Variants in CALY observed in about 807,000 individuals in gnomAD.
CALY encodes calcyon neuron specific vesicular protein, also known as neuron-specific vesicular protein calcyon.
CALY carries 15 observed loss-of-function variants against 20.2 expected under a neutral mutation model. That is an observed-to-expected ratio of 0.74 (90% confidence interval 0.50 to 1.14). The LOEUF is 1.14. CALY is among the 50% of genes most tolerant of loss of function. The pLI, the probability that CALY is intolerant of heterozygous loss-of-function variation, is 0.00. For synonymous variants in CALY, 129 were observed against 131.8 expected, an observed-to-expected ratio of 0.98 and a Z score of 0.15; for missense variants, 270 against 304.4, an observed-to-expected ratio of 0.89 and a Z score of 0.84.
chr10:133,330,657 CAA>C (rs58004815), intron 1 of CALY, among the ~76,000 whole-genome samples: 8 of 44,844 alleles, frequency 1.8e-4, no homozygotes, highest in Admixed American at 1.4e-3. Flanking sequence ...GACTCCGTCT[CAA>C]AAAAAAAAAA....
At chr10:133,328,093 G>T in intron 2 of CALY, 78 bp from the exon 3 acceptor site, 1 of 846,782 alleles carries the variant, frequency 1.2e-6, no homozygotes. Flanking sequence ...AGGGGAGGGA[G>T]CCAGCGTCAG....
At chr10:133,326,146 G>A (rs1469141670) in intron 4 of CALY, 26 bp from the exon 5 acceptor site, 3 of 1,591,000 alleles carry the variant, frequency 1.9e-6, no homozygotes, top group Admixed American at 3.4e-5. Flanking sequence ...GGTCAGGGTC[G>A]GTGGGGCTGA....
Position 133,325,872 on chromosome 10 carries a change from C to T in CALY, c.609G>A (p.Ala203=). ...CCGCGCTCCCGGCCGCCTTCCGCGC[C>T]GCCTCCTTCTCCGCCTTGGCCGACG... ...GKPSAKAEKE[A]ARKAAGSAAP... The change falls in exon 5 of 6, where the codon GCG becomes GCA. Residue 203 remains alanine, a synonymous_variant. Transcript: ENST00000252939. 4.8e-6 allele frequency: 6 copies of T among 1,247,758 alleles called. No homozygotes were observed. Among genetic ancestry groups the T allele is most frequent in the Non-Finnish European group, 5.0e-6 (5 of 998,066 alleles). 77.3% of individuals were successfully genotyped at this position (1,247,758 alleles called of 1,614,324 possible).
At chr10:133,334,640 G>A (rs1442709768) in intron 1 of CALY, among the ~76,000 whole-genome samples, 1 of 151,638 alleles carries the variant, frequency 6.6e-6, no homozygotes, top group East Asian at 1.9e-4. Context: ...GGGGAGGAAG[G>A]ATTTGGAGGT....
chr10:133,331,437 A>C (rs1280857785), intron 1 of CALY, among the ~76,000 whole-genome samples: 1 of 152,236 alleles, frequency 6.6e-6, no homozygotes, highest in African/African-American at 2.4e-5. Context: ...TGTTGGATTT[A>C]AGGTATTCAG....
chr10:133,324,353 G>A lies in CALY; in HGVS notation c.*1242C>T. On this transcript the variant is annotated 3_prime_UTR_variant, in exon 6 of 6. Transcript: ENST00000252939. The stretch of plus-strand genomic sequence containing the variant: ...GTTCACAGGCTTCCTGGGCACTGCC[G>A]CTGTTCCAAAGCAGGCCAGTCCCAC... 2.2e-6 allele frequency: 1 copy of A among 455,852 alleles called. No homozygotes were observed. Among genetic ancestry groups the A allele is most frequent in the Non-Finnish European group, 4.4e-6 (1 of 226,846 alleles). 28.2% of individuals were successfully genotyped at this position (455,852 alleles called of 1,614,324 possible). A position where few individuals can be genotyped will look rare whatever the true frequency, so the allele number is the denominator to read the frequency against.
At chr10:133,327,450 A>G in intron 3 of CALY, 1 of 545,054 alleles carries the variant, frequency 1.8e-6, no homozygotes, top group Non-Finnish European at 3.2e-6. Context: ...AGATCTGTCT[A>G]CTGGAGAATG....
chr10:133,326,280 C>T, intron 4 of CALY, 160 bp from the exon 5 acceptor site: 1 of 1,550,344 alleles, frequency 6.5e-7, no homozygotes, highest in Non-Finnish European at 8.7e-7. Context: ...AACTCAGGGC[C>T]CTGGAGGGGC....
At chr10:133,325,692 G>T in intron 5 of CALY, 107 bp downstream of exon 5, 1 of 497,230 alleles carries the variant, frequency 2.0e-6, no homozygotes, top group Non-Finnish European at 3.0e-6. Context: ...CCGGGTCGGA[G>T]GGAAGAGGAA....
At chr10:133,327,079 C>G (rs1219918163) in intron 3 of CALY, 88 bp from the exon 4 acceptor site, 1 of 874,126 alleles carries the variant, frequency 1.1e-6, no homozygotes, top group Non-Finnish European at 1.9e-6. Context: ...GGCACAGGAC[C>G]ATCCCCGCCC....
At chr10:133,332,148 A>G (rs189234278) in intron 1 of CALY, among the ~76,000 whole-genome samples, 14 of 150,418 alleles carry the variant, frequency 9.3e-5, no homozygotes, top group Admixed American at 8.6e-4. Context: ...AAAAAAGAAC[A>G]TGGAGGAGGT....
Position 133,328,838 on chromosome 10 carries a change from C to T in CALY, c.135+17G>A. On this transcript the variant is annotated intron_variant, in intron 2 of 5. Transcript: ENST00000252939. ...GGGGAGCCTGAGAAGGGCCCCCACG[C>T]TGGCCCAGGCCCTCACCTGGTCAGG... 1 of 1,538,836 alleles carries T rather than the reference C, an allele frequency of 6.5e-7. No homozygotes were observed. The highest frequency in any genetic ancestry group is 8.8e-7 in the Non-Finnish European group (1 of 1,142,606).
intron 1 of CALY, among the ~76,000 whole-genome samples, chr10:133,335,925 G>A (rs1268347114): frequency 1.3e-5 from 2 of 152,204 alleles, no homozygotes; most frequent in South Asian, 2.1e-4. Context: ...GATGGCGGGG[G>A]CGGGGGTGCA....
In CALY at chr10:133,329,001, G is replaced by A; in HGVS notation, c.-12C>T. On this transcript the variant is annotated 5_prime_UTR_variant, in exon 2 of 6. Coordinates refer to ENST00000252939, the MANE Select transcript of CALY (RefSeq NM_015722.4). The stretch of plus-strand genomic sequence containing the variant: ...CCCAGCTTCACCATGGTGGATGGCA[G>A]TCCTTGTCCTGTCCAAAGACAGACA... The A allele has an allele frequency of 6.4e-7, 1 of 1,553,434 alleles. No individual in the cohort carries two copies. The highest frequency in any genetic ancestry group is 8.7e-7 in the Non-Finnish European group (1 of 1,148,836).
Position 133,324,419 on chromosome 10 carries a change from C to T in CALY, c.*1176G>A, listed in dbSNP as rs1289990930. ...CCTAGACCCGCACCTAGCCAGCAAG[C>T]CTGGGAGCCAATGGTGGGGGGCTTC... On this transcript the variant is annotated 3_prime_UTR_variant, in exon 6 of 6. Coordinates refer to ENST00000252939, the MANE Select transcript of CALY (RefSeq NM_015722.4). 2 of 453,918 alleles carry T rather than the reference C, an allele frequency of 4.4e-6. No homozygotes were observed. Among genetic ancestry groups the T allele is most frequent in the Non-Finnish European group, 8.8e-6 (2 of 226,520 alleles). The allele number at this position is 453,918 out of a possible 1,614,324, so 28.1% of individuals were successfully genotyped here. A position where few individuals can be genotyped will look rare whatever the true frequency, so the allele number is the denominator to read the frequency against.
rs766722622 is a variant in CALY at position 133,326,011 on chromosome 10, T to C, written c.470A>G (p.His157Arg). The change falls in exon 5 of 6, where the codon CAC becomes CGC. Residue 157 changes from histidine to arginine, a missense_variant. By Grantham distance (29) the His-to-Arg change is conservative (BLOSUM62 0). Transcript: ENST00000252939. ...AIGAYPLSRKHGTETPAAWGD... is the reference protein window; with the variant it reads ...AIGAYPLSRKRGTETPAAWGD... ...CCAGGCCGCCGGCGTCTCCGTGCCG[T>C]GCTTGCGGCTCAGCGGGTAGGCCCC... 6.3e-7 allele frequency: 1 copy of C among 1,580,506 alleles called. No individual in the cohort carries two copies. The highest frequency in any genetic ancestry group is 2.3e-5 in the East Asian group (1 of 42,680).
At chr10:133,336,464 C>T (rs1228489201) in intron 1 of CALY, among the ~76,000 whole-genome samples, 2 of 151,056 alleles carry the variant, frequency 1.3e-5, no homozygotes, top group Non-Finnish European at 2.9e-5. Flanking sequence ...CAGAGCTGGG[C>T]GGGAGCTGGG....
rs1401667590 is a variant in CALY at position 133,326,064 on chromosome 10, C to T, written c.417G>A (p.Glu139=). ...TGGCCGCCAGGATGCTGCGGTGGCG[C>T]TCGGGGTCCATCTCCGTGTAGTACA... The part of the protein sequence containing the change: ...LEMYYTEMDP[E]RHRSILAAIG... Residue 139 remains glutamate, a synonymous_variant, in exon 5 of 6, where the codon GAG becomes GAA. Transcript: ENST00000252939. 5 of 1,599,524 alleles carry T rather than the reference C, an allele frequency of 3.1e-6. No individual in the cohort carries two copies. Among genetic ancestry groups the T allele is most frequent in the Middle Eastern group, 1.7e-4 (1 of 6,054 alleles).
intron 3 of CALY, chr10:133,327,356 C>T (rs1040145118): frequency 2.0e-6 from 1 of 491,766 alleles, no homozygotes. Context: ...CACCAGGCCT[C>T]CCAGGTGACT....
Sources: allele counts gnomAD v4.1 joint callset (sites outside exome capture counted in the v4.1 genomes callset), GRCh38; gene constraint gnomAD v4.1.1; transcripts MANE v1.5; gene names NCBI Gene and HGNC (gene_info 2026-07-23, HGNC 2026-07-21).